The following XRCC6 variants were observed in gnomAD, a reference collection of about 807,000 sequenced individuals.
The protein encoded by XRCC6 is X-ray repair cross complementing 6.
Under a neutral mutation model 65.7 loss-of-function variants are expected in XRCC6, and 5 were observed. That is an observed-to-expected ratio of 0.08 (90% confidence interval 0.04 to 0.16). The LOEUF (loss-of-function observed/expected upper bound fraction) is 0.16. XRCC6 is among the 10% of genes least tolerant of loss of function. XRCC6 has a pLI of 1.00. For synonymous variants in XRCC6, 270 were observed against 270.6 expected (o/e 1.00, Z 0.02); for missense variants, 447 against 738.1 (o/e 0.61, Z 4.57).
chr22:41,628,272 T>A, intron 3 of XRCC6, 42 bp downstream of exon 3: 1 of 1,549,206 alleles, frequency 6.5e-7, no homozygotes, highest in Non-Finnish European at 8.9e-7. Context: ...AAAAACAGTA[T>A]TGGCTGGGCA....
chr22:41,655,488 C>T (rs1217109719), intron 9 of XRCC6, among the ~76,000 whole-genome samples: 10 of 151,698 alleles, frequency 6.6e-5, no homozygotes, highest in Admixed American at 2.6e-4. Flanking sequence ...TGGCGGATCA[C>T]GATGTCAGGA....
chr22:41,647,172 C>G, intron 7 of XRCC6, 90 bp downstream of exon 7: 1 of 1,415,918 alleles, frequency 7.1e-7, no homozygotes, highest in Non-Finnish European at 9.7e-7. Context: ...GAACATGACT[C>G]GCTACAGCCT....
intron 6 of XRCC6, among the ~76,000 whole-genome samples, chr22:41,642,498 C>T (rs1480299034): frequency 6.6e-6 from 1 of 152,104 alleles, no homozygotes; most frequent in Non-Finnish European, 1.5e-5. Context: ...GCCTATGCTT[C>T]TGGAGTATTA....
At chr22:41,628,309 AG>A in intron 3 of XRCC6, 79 bp downstream of exon 3, 6 of 1,261,914 alleles carry the variant, frequency 4.8e-6, no homozygotes, top group Non-Finnish European at 6.7e-6. Context: ...CTGTAATCTC[AG>A]GACATTGGGA....
chr22:41,651,637 C>A (rs892023321), intron 8 of XRCC6, among the ~76,000 whole-genome samples: 2 of 151,304 alleles, frequency 1.3e-5, no homozygotes, highest in Non-Finnish European at 2.9e-5. Flanking sequence ...AAACGATTCT[C>A]CTTCCTCAGC....
At chr22:41,642,992 C>T (rs952296663) in intron 6 of XRCC6, among the ~76,000 whole-genome samples, 6 of 152,198 alleles carry the variant, frequency 3.9e-5, no homozygotes, top group African/African-American at 1.4e-4. Context: ...GTTGTCTCCA[C>T]GGTGTGAACC....
At chr22:41,633,030 G>A (rs1172327712) in intron 3 of XRCC6, among the ~76,000 whole-genome samples, 3 of 152,046 alleles carry the variant, frequency 2.0e-5, no homozygotes, top group Non-Finnish European at 4.4e-5. Context: ...CAGAGGCTGA[G>A]GCAGGAGAAT....
chr22:41,622,003 A>G lies in XRCC6; in HGVS notation c.-2A>G, dbSNP rs757781595. 4.8e-5 allele frequency: 78 copies of G among 1,614,154 alleles called. 1 individual carries two copies. Among genetic ancestry groups the G allele is most frequent in the Admixed American group, 2.3e-4 (14 of 60,012 alleles). ...TCTTTCGCCTAGTGAGCAGTAGCCAACATGTCAGGGTGGGAGTCATATTAC... is the reference window on the plus strand; with the variant it reads ...TCTTTCGCCTAGTGAGCAGTAGCCAGCATGTCAGGGTGGGAGTCATATTAC... On this transcript the variant is annotated 5_prime_UTR_variant, in exon 2 of 13. Transcript: ENST00000360079.
At position 41,647,128 on chromosome 22, in the gene XRCC6, T is replaced by A. The variant is rs1300795956; in HGVS notation, c.960+46T>A. 3.7e-6 allele frequency: 6 copies of A among 1,601,446 alleles called. No homozygotes were observed. The Middle Eastern group carries it at 8.3e-4, about 222-fold the overall frequency. On this transcript the variant is annotated intron_variant, in intron 7 of 12. Coordinates refer to ENST00000360079, the MANE Select transcript of XRCC6 (RefSeq NM_001469.5). The stretch of plus-strand genomic sequence containing the variant: ...TTGTTGTTGTTTTTGAGACAGGGTC[T>A]CATTGTGTCGCCCAGGCTGGAGTGC...
chr22:41,628,974 A>AC (rs1288281537), intron 3 of XRCC6, among the ~76,000 whole-genome samples: 1 of 151,078 alleles, frequency 6.6e-6, no homozygotes, highest in Admixed American at 6.6e-5. Flanking sequence ...TCAAAAAAAA[A>AC]AAAAAAAAAA....
intron 6 of XRCC6, among the ~76,000 whole-genome samples, chr22:41,641,947 G>A (rs1002436296): frequency 5.9e-5 from 9 of 151,990 alleles, no homozygotes; most frequent in African/African-American, 1.9e-4. Context: ...GCACCACCAC[G>A]CCCGACTAAT....
In XRCC6 at chr22:41,650,854, C is replaced by T. The variant is rs1485582544; in HGVS notation, c.1092C>T (p.Pro364=). ...TGAAGAAACACCATTACCTGAGGCCCTCCCTGTTCGTGTACCCAGAGGAGT... is the reference window on the plus strand; with the variant it reads ...TGAAGAAACACCATTACCTGAGGCCTTCCCTGTTCGTGTACCCAGAGGAGT... ...VLLKKHHYLR[P]SLFVYPEESL... is the part of the protein sequence containing the mutation. The change falls in exon 8 of 13, where the codon CCC becomes CCT. Residue 364 remains proline, a synonymous_variant. Transcript: ENST00000360079. 1.9e-6 allele frequency: 3 copies of T among 1,614,032 alleles called. No homozygotes were observed. Among genetic ancestry groups the T allele is most frequent in the South Asian group, 2.2e-5 (2 of 91,080 alleles).
At chr22:41,651,103 G>A (rs1268607197) in intron 8 of XRCC6, among the ~76,000 whole-genome samples, 1 of 152,136 alleles carries the variant, frequency 6.6e-6, no homozygotes, top group East Asian at 1.9e-4. Context: ...GTCAGGACGA[G>A]CCTGGCCAAC....
At chr22:41,628,791 T>G (rs1018648667) in intron 3 of XRCC6, among the ~76,000 whole-genome samples, 4 of 151,730 alleles carry the variant, frequency 2.6e-5, no homozygotes, top group Admixed American at 2.6e-4. Context: ...GGTGAAACCC[T>G]GTCTCTACTA....
At chr22:41,623,759 C>T (rs538998312) in intron 2 of XRCC6, among the ~76,000 whole-genome samples, 90 of 151,804 alleles carry the variant, frequency 5.9e-4, no homozygotes, top group Non-Finnish European at 9.6e-4. Context: ...CTTGCTCTGT[C>T]GCCCAGGCTG....
At chr22:41,621,920 C>CA in intron 1 of XRCC6, 70 bp from the exon 2 acceptor site, 1 of 1,459,222 alleles carries the variant, frequency 6.9e-7, no homozygotes, top group Admixed American at 1.7e-5. Flanking sequence ...ACAGATCTCA[C>CA]AAGAACCTAG....
chr22:41,641,102 A>G (rs982816867), intron 6 of XRCC6, among the ~76,000 whole-genome samples: 2 of 152,204 alleles, frequency 1.3e-5, no homozygotes, highest in East Asian at 3.9e-4. Flanking sequence ...AAAAAACTGT[A>G]CTTTCACATA....
chr22:41,661,560 T>A, intron 12 of XRCC6, 116 bp downstream of exon 12: 1 of 881,318 alleles, frequency 1.1e-6, no homozygotes, highest in Non-Finnish European at 1.7e-6. Context: ...TTAAAATGGC[T>A]TTTATCCAAA....
chr22:41,653,174 C>T (rs944849663), intron 8 of XRCC6, among the ~76,000 whole-genome samples: 9 of 152,022 alleles, frequency 5.9e-5, no homozygotes, highest in Non-Finnish European at 1.0e-4. Context: ...GAGGCTGAGG[C>T]TGGAGGATCA....
Sources: allele counts gnomAD v4.1 joint callset (sites outside exome capture counted in the v4.1 genomes callset), GRCh38; gene constraint gnomAD v4.1.1; transcripts MANE v1.5; gene names NCBI Gene and HGNC (gene_info 2026-07-23, HGNC 2026-07-21).